The following MARCHF1 variants were observed in gnomAD, a reference collection of about 807,000 sequenced individuals.
MARCHF1 encodes the protein membrane associated ring-CH-type finger 1, also known as E3 ubiquitin-protein ligase MARCHF1.
Under a neutral mutation model 54.2 loss-of-function variants are expected in MARCHF1, and 40 were observed. The observed-to-expected ratio is 0.74, with a 90% CI of 0.57 to 0.96. The LOEUF is 0.96. MARCHF1 is among the 40% of genes least tolerant of loss of function. MARCHF1 has a pLI of 0.00. For missense variants in MARCHF1, 586 were observed against 656.5 expected (o/e 0.89, Z 1.17); for synonymous variants, 236 against 236.3 (o/e 1.00, Z 0.01).
At chr4:163,748,659 C>T (rs1746430204) in intron 4 of MARCHF1, among the ~76,000 whole-genome samples, 1 of 152,180 alleles carries the variant, frequency 6.6e-6, no homozygotes, top group Non-Finnish European at 1.5e-5. Context: ...GGCCCATTGC[C>T]AGGTGATCCA....
Position 163,797,866 on chromosome 4 carries a change from T to C in MARCHF1, c.111+56155A>G, listed in dbSNP as rs557282307. The stretch of plus-strand genomic sequence containing the variant: ...TTTTTGAGTCTAAGCCTGCTGTTTC[T>C]TTTCTCTTGTTTTCTGCTCACACTC... On this transcript the variant is annotated intron_variant, in intron 4 of 9. Transcript: ENST00000514618. Among the ~76,000 whole-genome samples, 28 of 151,954 alleles carry C rather than the reference T, an allele frequency of 1.8e-4. No homozygotes were observed. In the South Asian group the frequency reaches 5.8e-3, roughly 32 times the overall value.
At chr4:164,049,746 A>T (rs1457016117) in intron 2 of MARCHF1, among the ~76,000 whole-genome samples, 2 of 152,238 alleles carry the variant, frequency 1.3e-5, no homozygotes, top group African/African-American at 4.8e-5. Context: ...AATTCTTGTC[A>T]TATATACTGC....
chr4:164,056,938 C>T (rs11941073), intron 2 of MARCHF1, among the ~76,000 whole-genome samples: 4,256 of 152,132 alleles, frequency 0.028, 176 homozygotes, highest in African/African-American at 0.096. Context: ...AGCCACTCTT[C>T]TTCCAGAAGA....
At chr4:163,700,921 G>A in intron 4 of MARCHF1, 58 bp from the exon 5 acceptor site, 1 of 1,185,838 alleles carries the variant, frequency 8.4e-7, no homozygotes, top group East Asian at 2.6e-5. Context: ...TCACCATACT[G>A]TACCACTGAG....
Position 163,923,009 on chromosome 4 carries a change from C to G in MARCHF1, c.-39+65492G>C, listed in dbSNP as rs113898035. Among the ~76,000 whole-genome samples, 367 of 152,130 alleles carry G rather than the reference C, an allele frequency of 2.4e-3. 3 individuals carry two copies. Among genetic ancestry groups the G allele is most frequent in the African/African-American group, 8.5e-3 (353 of 41,520 alleles). On this transcript the variant is annotated intron_variant, in intron 3 of 9. Coordinates refer to ENST00000514618, the MANE Select transcript of MARCHF1 (RefSeq NM_001394959.1). ...AAAATTGTCAAAGAATTAGAGTTCT[C>G]TAAATGAACAAATGTCAGGCATGTA... is the stretch of plus-strand genomic sequence containing the variant.
At chr4:163,557,961 T>G (rs746197155) in intron 8 of MARCHF1, among the ~76,000 whole-genome samples, 2 of 152,176 alleles carry the variant, frequency 1.3e-5, no homozygotes, top group Non-Finnish European at 2.9e-5. Context: ...ATATTCCCAT[T>G]TAAACATCTC....
intron 1 of MARCHF1, among the ~76,000 whole-genome samples, chr4:164,120,334 A>C (rs1257803696): frequency 6.6e-6 from 1 of 152,134 alleles, no homozygotes; most frequent in East Asian, 1.9e-4. Flanking sequence ...AGATACATAA[A>C]GGAAGTATTA....
At chr4:163,778,344 T>C (rs1747364278) in intron 4 of MARCHF1, among the ~76,000 whole-genome samples, 1 of 152,212 alleles carries the variant, frequency 6.6e-6, no homozygotes, top group African/African-American at 2.4e-5. Context: ...ACTGCAAAAT[T>C]GTTGCTTCAC....
intron 4 of MARCHF1, among the ~76,000 whole-genome samples, chr4:163,751,133 T>TTGTGTG (rs70948664): frequency 3.1e-4 from 45 of 147,290 alleles, no homozygotes; most frequent in African/African-American, 6.8e-4. Flanking sequence ...TATTACCACT[T>TTGTGTG]TGTGTGTGTG....
intron 1 of MARCHF1, among the ~76,000 whole-genome samples, chr4:164,183,081 T>G (rs1730875641): frequency 6.6e-6 from 1 of 152,076 alleles, no homozygotes; most frequent in African/African-American, 2.4e-5. Flanking sequence ...ATTTTATATT[T>G]TTACAACTGT....
intron 4 of MARCHF1, among the ~76,000 whole-genome samples, chr4:163,770,455 C>T (rs1747121544): frequency 6.6e-6 from 1 of 151,750 alleles, no homozygotes; most frequent in African/African-American, 2.4e-5. Context: ...AATATGAGCT[C>T]AAAGGAGAAT....
At chr4:164,296,513 G>C (rs1379325624) in intron 1 of MARCHF1, among the ~76,000 whole-genome samples, 1 of 152,074 alleles carries the variant, frequency 6.6e-6, no homozygotes, top group Admixed American at 6.6e-5. Context: ...GGGATTACAG[G>C]CAGATCCCAC....
At chr4:163,760,097 A>C (rs774843721) in intron 4 of MARCHF1, among the ~76,000 whole-genome samples, 58 of 152,204 alleles carry the variant, frequency 3.8e-4, no homozygotes, top group Non-Finnish European at 4.4e-4. Context: ...AGAAGGCTGT[A>C]AGGGGGAATC....
chr4:163,777,921 A>T (rs1029857678), intron 4 of MARCHF1, among the ~76,000 whole-genome samples: 7 of 152,180 alleles, frequency 4.6e-5, no homozygotes, highest in East Asian at 1.9e-4. Context: ...CTTTGCAGTC[A>T]ATCCCCTGCC....
intron 1 of MARCHF1, among the ~76,000 whole-genome samples, chr4:164,213,172 G>A (rs1417968306): frequency 2.0e-5 from 3 of 150,384 alleles, no homozygotes; most frequent in Non-Finnish European, 4.4e-5. Flanking sequence ...TTTCAATAAT[G>A]CCTTTAATTA....
At chr4:164,087,606 G>A (rs546241101) in intron 2 of MARCHF1, among the ~76,000 whole-genome samples, 1 of 152,170 alleles carries the variant, frequency 6.6e-6, no homozygotes, top group East Asian at 1.9e-4. Context: ...AATTATATAA[G>A]ATGAATGTAC....
Position 164,359,674 on chromosome 4 carries a change from C to G in MARCHF1, c.-323+24196G>C, listed in dbSNP as rs373646357. ...AACTAAGGAATTCTCCAGAGCTTAA[C>G]TATTTATTGTTATTATAGTAAGTTC... On this transcript the variant is annotated intron_variant, in intron 1 of 9. Coordinates refer to ENST00000514618, the MANE Select transcript of MARCHF1 (RefSeq NM_001394959.1). Among the ~76,000 whole-genome samples the G allele has an allele frequency of 2.5e-4, 38 of 152,266 alleles. 4 individuals are homozygous for G. The East Asian group carries it at 3.7e-3, about 15-fold the overall frequency.
At chr4:163,634,218 C>A (rs1003488651) in intron 5 of MARCHF1, among the ~76,000 whole-genome samples, 33 of 151,880 alleles carry the variant, frequency 2.2e-4, no homozygotes, top group South Asian at 4.2e-4. Context: ...CTAACATCAT[C>A]ATGACAGGAT....
chr4:163,807,363 G>A (rs960224187), intron 4 of MARCHF1, among the ~76,000 whole-genome samples: 1 of 152,130 alleles, frequency 6.6e-6, no homozygotes, highest in Admixed American at 6.5e-5. Flanking sequence ...CTTTCTATGG[G>A]TATGTAAATT....
Sources: allele counts gnomAD v4.1 joint callset (sites outside exome capture counted in the v4.1 genomes callset), GRCh38; gene constraint gnomAD v4.1.1; transcripts MANE v1.5; gene names NCBI Gene and HGNC (gene_info 2026-07-23, HGNC 2026-07-21).